UNC5B: variants seen among roughly 807,000 people sequenced by gnomAD.
UNC5B encodes unc-5 netrin receptor B.
A neutral mutation model predicts 103.7 loss-of-function variants in UNC5B; 56 were observed. The ratio of observed to expected loss-of-function variants is 0.54; its 90% CI spans 0.44 to 0.67. UNC5B has a LOEUF of 0.67. Among genes scored for constraint, UNC5B ranks in the 30% least tolerant of loss-of-function variants. The pLI is 0.00. For missense variants in UNC5B, 1,194 were observed against 1,284.5 expected, an observed-to-expected ratio of 0.93 and a Z score of 1.08; for synonymous variants, 577 against 542.0, an observed-to-expected ratio of 1.06 and a Z score of -0.90.
intron 1 of UNC5B, among the ~76,000 whole-genome samples, chr10:71,254,522 G>A (rs1844246656): frequency 9.9e-5 from 15 of 152,214 alleles, no homozygotes; most frequent in Admixed American, 6.5e-4. Flanking sequence ...CTGGGAAGTC[G>A]GCTTACTGTC....
At chr10:71,291,282 A>T in intron 9 of UNC5B, 150 bp from the exon 10 acceptor site, 1 of 1,357,214 alleles carries the variant, frequency 7.4e-7, no homozygotes, top group Non-Finnish European at 1.0e-6. Flanking sequence ...GAAGGAAGGG[A>T]GTGACCCAGG....
chr10:71,282,633 A>G lies in UNC5B; in HGVS notation c.305-2087A>G, dbSNP rs1260564792. ...CTGTGGAGCCAGCCTGTGGGCAGCC[A>G]TGGCAGGCAGGCACTGTCACCCACC... On this transcript the variant is annotated intron_variant, in intron 2 of 16. Transcript: ENST00000335350. Among the ~76,000 whole-genome samples the G allele has an allele frequency of 2.6e-5, 4 of 152,060 alleles. No homozygotes were observed. In the East Asian group the frequency reaches 7.8e-4, roughly 29 times the overall value.
chr10:71,279,733 C>T (rs559103672), intron 1 of UNC5B, 88 bp from the exon 2 acceptor site: 10 of 1,412,936 alleles, frequency 7.1e-6, no homozygotes, highest in African/African-American at 1.4e-5. Context: ...CTGTCCTCTT[C>T]GTCTGCGGTG....
intron 1 of UNC5B, among the ~76,000 whole-genome samples, chr10:71,233,527 C>T (rs1165943733): frequency 3.3e-5 from 5 of 152,228 alleles, no homozygotes; most frequent in Non-Finnish European, 7.3e-5. Flanking sequence ...TCCCCCTTCC[C>T]TCTGCCTCCC....
chr10:71,239,773 G>A (rs1843855037), intron 1 of UNC5B, among the ~76,000 whole-genome samples: 1 of 152,130 alleles, frequency 6.6e-6, no homozygotes, highest in Non-Finnish European at 1.5e-5. Context: ...GGTGCCAGAG[G>A]GCCCCTGGGT....
intron 1 of UNC5B, among the ~76,000 whole-genome samples, chr10:71,221,769 G>A (rs867546331): frequency 1.3e-5 from 2 of 152,202 alleles, no homozygotes; most frequent in Admixed American, 6.5e-5. Flanking sequence ...AGGGCAGGCT[G>A]TGCAGTCACA....
At chr10:71,276,345 G>A (rs1038329022) in intron 1 of UNC5B, among the ~76,000 whole-genome samples, 2 of 152,066 alleles carry the variant, frequency 1.3e-5, no homozygotes, top group South Asian at 2.1e-4. Flanking sequence ...GCTGGTATCC[G>A]TGCAGCCTGG....
chr10:71,288,828 A>C, intron 7 of UNC5B, 96 bp downstream of exon 7: 1 of 1,549,824 alleles, frequency 6.5e-7, no homozygotes, highest in African/African-American at 1.4e-5. Flanking sequence ...CCCAGCCTGC[A>C]GCACGGCAGT....
At chr10:71,234,008 G>A (rs936573314) in intron 1 of UNC5B, among the ~76,000 whole-genome samples, 2 of 152,248 alleles carry the variant, frequency 1.3e-5, no homozygotes, top group African/African-American at 4.8e-5. Context: ...GAGTGTGCAA[G>A]TACAGTTATA....
chr10:71,232,373 G>A (rs1369434805), intron 1 of UNC5B, among the ~76,000 whole-genome samples: 1 of 152,268 alleles, frequency 6.6e-6, no homozygotes, highest in East Asian at 1.9e-4. Flanking sequence ...TGAGGGAAAT[G>A]CAGTCAGGGA....
Position 71,213,007 on chromosome 10 carries a change from C to T in UNC5B, c.22C>T (p.Arg8Trp), listed in dbSNP as rs1843258672. The T allele has an allele frequency of 1.4e-6, 2 of 1,410,518 alleles. No homozygotes were observed. Among genetic ancestry groups the T allele is most frequent in the Non-Finnish European group, 1.9e-6 (2 of 1,076,188 alleles). The allele number at this position is 1,410,518 out of a possible 1,614,324, so 87.4% of individuals were successfully genotyped here. MGARSGA[R>W]GALLLALLLC... ...GAGCATGGGGGCCCGGAGCGGAGCT[C>T]GGGGCGCGCTGCTGCTGGCACTGCT... Residue 8 changes from arginine to tryptophan, a missense_variant, in exon 1 of 17, where the codon CGG becomes TGG. Arg to Trp is a moderately radical substitution (Grantham distance 101). Transcript: ENST00000335350. This position sits in a 1 kb window ranked among gnomAD's most constrained non-coding sequence, Gnocchi z 4.1.
In UNC5B at chr10:71,301,452, G is replaced by T. The variant is rs1457608279; in HGVS notation, c.*2175G>T. 4 of 152,272 alleles carry T rather than the reference G, an allele frequency of 2.6e-5. No individual in the cohort carries two copies. The highest frequency in any genetic ancestry group is 7.2e-5 in the African/African-American group (3 of 41,466). The allele number at this position is 152,272 out of a possible 1,614,324, so 9.4% of individuals were successfully genotyped here. A position where few individuals can be genotyped will look rare whatever the true frequency, so the allele number is the denominator to read the frequency against. ...GCTGGGCCCGGAGGCTGAGACTAAG[G>T]CTTTCGACCCTGGTGCCTCCATGTG... On this transcript the variant is annotated 3_prime_UTR_variant, in exon 17 of 17. Coordinates refer to ENST00000335350, the MANE Select transcript of UNC5B (RefSeq NM_170744.5).
intron 1 of UNC5B, among the ~76,000 whole-genome samples, chr10:71,220,294 G>A (rs1376233115): frequency 6.6e-6 from 1 of 152,186 alleles, no homozygotes; most frequent in Middle Eastern, 3.2e-3. Context: ...GTGGAGACAT[G>A]GGGAGGTATC....
At position 71,302,592 on chromosome 10, in the gene UNC5B, T is replaced by G. The variant is rs1294569066; in HGVS notation, c.*3315T>G. On this transcript the variant is annotated 3_prime_UTR_variant, in exon 17 of 17. Coordinates refer to ENST00000335350, the MANE Select transcript of UNC5B (RefSeq NM_170744.5). ...ACCCTCCAGGGCACTCTGGTCCCTA[T>G]TCCCCAGCTCCTAGGCAGCTGAGCC... 1 of 152,124 alleles carries G rather than the reference T, an allele frequency of 6.6e-6. No individual in the cohort carries two copies. Among genetic ancestry groups the G allele is most frequent in the Non-Finnish European group, 1.5e-5 (1 of 68,048 alleles). The allele number at this position is 152,124 out of a possible 1,614,324, so 9.4% of individuals were successfully genotyped here. A position where few individuals can be genotyped will look rare whatever the true frequency, so the allele number is the denominator to read the frequency against.
intron 7 of UNC5B, 48 bp from the exon 8 acceptor site, chr10:71,288,910 T>C: frequency 6.2e-7 from 1 of 1,605,778 alleles, no homozygotes; most frequent in Non-Finnish European, 8.5e-7. Context: ...TCTGCCACCC[T>C]TTCCCTGTCA....
chr10:71,278,529 TC>T (rs1282943629), intron 1 of UNC5B, among the ~76,000 whole-genome samples: 5 of 151,966 alleles, frequency 3.3e-5, no homozygotes, highest in African/African-American at 1.2e-4. Flanking sequence ...TCTCCTAAGC[TC>T]CCCAGTCTCA....
intron 1 of UNC5B, among the ~76,000 whole-genome samples, chr10:71,259,311 C>A (rs1413702544): frequency 6.6e-6 from 1 of 151,616 alleles, no homozygotes; most frequent in Admixed American, 6.6e-5. Flanking sequence ...ATCATTTGAA[C>A]CCGGGAGGCA....
In UNC5B at chr10:71,280,221, C is replaced by T. The variant is rs544318298; in HGVS notation, c.304+176C>T. 7.9e-5 allele frequency among the ~76,000 whole-genome samples: 12 copies of T among 152,298 alleles called. No homozygotes were observed. In the South Asian group the frequency reaches 1.7e-3, roughly 21 times the overall value. Reference sequence around the variant, plus strand: ...CCATCTCCACTGCATTGGACAGCACCGAGTGCCCTGTGAGCCCTCACTCCC... The same window carrying T: ...CCATCTCCACTGCATTGGACAGCACTGAGTGCCCTGTGAGCCCTCACTCCC... On this transcript the variant is annotated intron_variant, in intron 2 of 16. Coordinates refer to ENST00000335350, the MANE Select transcript of UNC5B (RefSeq NM_170744.5).
chr10:71,218,664 G>A (rs1843388296), intron 1 of UNC5B, among the ~76,000 whole-genome samples: 2 of 152,224 alleles, frequency 1.3e-5, no homozygotes, highest in Admixed American at 1.3e-4. Flanking sequence ...ACTGCCCCCA[G>A]GAAGATCAGA....
Sources: gnomAD v4.1 joint callset for allele counts (sites outside exome capture counted in the v4.1 genomes callset) on GRCh38, gnomAD v4.1.1 for gene constraint, Gnocchi (gnomAD v3.1) non-coding constraint, MANE v1.5 for transcripts, NCBI Gene and HGNC (gene_info 2026-07-23, HGNC 2026-07-21) for gene names.